LINGO2: variants seen among roughly 807,000 people sequenced by gnomAD.
The protein encoded by LINGO2 is leucine rich repeat and Ig domain containing 2.
LINGO2 carries 14 observed loss-of-function variants against 30.6 expected under a neutral mutation model. The ratio of observed to expected loss-of-function variants is 0.46; its 90% CI spans 0.30 to 0.72. The LOEUF (loss-of-function observed/expected upper bound fraction) is 0.72, where lower values mean the gene tolerates loss of function less well. Among genes scored for constraint, LINGO2 ranks in the 30% least tolerant of loss-of-function variants. The pLI is 0.07. For synonymous variants in LINGO2, 317 were observed against 288.5 expected, an observed-to-expected ratio of 1.10 and a Z score of -1.00; for missense variants, 729 against 751.7, an observed-to-expected ratio of 0.97 and a Z score of 0.35.
chr9:28,322,052 T>G (rs1022125368), intron 3 of LINGO2, among the ~76,000 whole-genome samples: 5 of 152,200 alleles, frequency 3.3e-5, no homozygotes, highest in African/African-American at 1.2e-4. Flanking sequence ...ACTACTTACC[T>G]CAGCTTACTA....
At chr9:29,189,097 CGACCGCCCCGCCTCCCTCCCGGACG>C in the LINGO2 span, among the ~76,000 whole-genome samples, 1 of 74,914 alleles carries the variant, frequency 1.3e-5, no homozygotes, top group Admixed American at 1.6e-4. Flanking sequence ...GGCGGCTGGC[CGACCGCCCCGCCTCCCTCCCGGACG>C]GGGCGGCTGG....
chr9:29,187,262 C>T, the LINGO2 span, among the ~76,000 whole-genome samples: 1 of 152,154 alleles, frequency 6.6e-6, no homozygotes, highest in Non-Finnish European at 1.5e-5. Context: ...ACATGGATCA[C>T]CCTGCTGGAG....
chr9:29,025,986 A>G, the LINGO2 span, among the ~76,000 whole-genome samples: 1 of 151,992 alleles, frequency 6.6e-6, no homozygotes, highest in Non-Finnish European at 1.5e-5. Context: ...CTTTTTTATG[A>G]GTGAATACTG....
chr9:28,671,866 G>A (rs892143684), upstream of LINGO2, among the ~76,000 whole-genome samples: 1 of 152,016 alleles, frequency 6.6e-6, no homozygotes, highest in African/African-American at 2.4e-5. Flanking sequence ...AAAGACATGA[G>A]CATTTCCTTA....
At chr9:28,878,966 T>C in the LINGO2 span, among the ~76,000 whole-genome samples, 2 of 152,068 alleles carry the variant, frequency 1.3e-5, no homozygotes, top group South Asian at 2.1e-4. Flanking sequence ...CTATTCAACA[T>C]AGTGTTGGAA....
the LINGO2 span, among the ~76,000 whole-genome samples, chr9:28,733,307 G>A: frequency 5.9e-5 from 9 of 151,982 alleles, no homozygotes; most frequent in African/African-American, 1.2e-4. Flanking sequence ...AAGGTCATAC[G>A]TAAAGAGATA....
At chr9:29,060,539 C>A in the LINGO2 span, among the ~76,000 whole-genome samples, 2 of 151,884 alleles carry the variant, frequency 1.3e-5, no homozygotes, top group Non-Finnish European at 2.9e-5. Context: ...TTTTCAAAAT[C>A]CAAGAACCAC....
the LINGO2 span, among the ~76,000 whole-genome samples, chr9:29,034,645 G>A: frequency 3.9e-5 from 6 of 151,924 alleles, no homozygotes; most frequent in South Asian, 2.1e-4. Flanking sequence ...GAACACAAGC[G>A]CATTTATCAG....
At chr9:29,061,423 T>TTG in the LINGO2 span, among the ~76,000 whole-genome samples, 1 of 151,942 alleles carries the variant, frequency 6.6e-6, no homozygotes, top group Admixed American at 6.6e-5. Flanking sequence ...CACTTTCTGA[T>TTG]TTCAAAGTTT....
intron 4 of LINGO2, among the ~76,000 whole-genome samples, chr9:28,256,001 C>T (rs921811449): frequency 6.6e-6 from 1 of 152,008 alleles, no homozygotes; most frequent in Non-Finnish European, 1.5e-5. Context: ...TGCAAAACAT[C>T]ATGTACATGT....
intron 4 of LINGO2, among the ~76,000 whole-genome samples, chr9:28,076,000 A>G (rs73643296): frequency 0.015 from 2,294 of 152,124 alleles, 42 homozygotes; most frequent in African/African-American, 0.05. Flanking sequence ...CAATTATTCT[A>G]GCAATATCTA....
chr9:28,421,964 T>G (rs1823215533), intron 2 of LINGO2, among the ~76,000 whole-genome samples: 1 of 151,998 alleles, frequency 6.6e-6, no homozygotes, highest in Non-Finnish European at 1.5e-5. Flanking sequence ...TGCAACAGAA[T>G]GAAGATGGAC....
intron 1 of LINGO2, among the ~76,000 whole-genome samples, chr9:28,492,463 T>C (rs1826436824): frequency 6.6e-6 from 1 of 152,174 alleles, no homozygotes; most frequent in South Asian, 2.1e-4. Context: ...TAATGAAGGA[T>C]ATGCTGTTGG....
intron 4 of LINGO2, among the ~76,000 whole-genome samples, chr9:28,120,451 T>C: frequency 6.6e-6 from 1 of 152,194 alleles, no homozygotes; most frequent in Non-Finnish European, 1.5e-5. Flanking sequence ...TTCTAGTGGC[T>C]GAATGCCAAA....
At chr9:29,067,894 T>C in the LINGO2 span, among the ~76,000 whole-genome samples, 10 of 151,674 alleles carry the variant, frequency 6.6e-5, no homozygotes, top group African/African-American at 2.4e-4. Context: ...CTGAATTTTC[T>C]CAAATTTGCT....
At chr9:28,668,215 G>C (rs1828876501) in intron 1 of LINGO2, among the ~76,000 whole-genome samples, 1 of 152,076 alleles carries the variant, frequency 6.6e-6, no homozygotes, top group South Asian at 2.1e-4. Context: ...TGGAGTGGTA[G>C]TAGGGGAAGG....
Position 28,606,360 on chromosome 9 carries a change from A to G in LINGO2, c.-365+63840T>C, listed in dbSNP as rs572041485. ...TGCTGGTGAGTGAGCTCTTTAAATG[A>G]CTTTACTGGAGAATAAATGACTTTA... On this transcript the variant is annotated intron_variant, in intron 1 of 5. Transcript: ENST00000379992. Among the ~76,000 whole-genome samples, 45 of 152,136 alleles carry G rather than the reference A, an allele frequency of 3.0e-4. No homozygotes were observed. The South Asian group carries it at 9.1e-3, about 31-fold the overall frequency.
Position 28,398,315 on chromosome 9 carries a change from A to G in LINGO2, c.-278-25447T>C, listed in dbSNP as rs143435744. Among the ~76,000 whole-genome samples, 3 of 152,314 alleles carry G rather than the reference A, an allele frequency of 2.0e-5. No homozygotes were observed. In the East Asian group the frequency reaches 5.8e-4, roughly 29 times the overall value. On this transcript the variant is annotated intron_variant, in intron 2 of 5. Transcript: ENST00000379992. ...TATCAGTTGCAAAGAGTTAGTGGTA[A>G]TTTAATATACAAATATATTCATTTT... is the stretch of plus-strand genomic sequence containing the variant.
intron 2 of LINGO2, among the ~76,000 whole-genome samples, chr9:28,467,595 A>G (rs1017594775): frequency 1.3e-5 from 2 of 152,238 alleles, no homozygotes; most frequent in African/African-American, 4.8e-5. Context: ...TGTTTGAACA[A>G]CAAACTGATT....
Sources: gnomAD v4.1 joint callset for allele counts (sites outside exome capture counted in the v4.1 genomes callset) on GRCh38, gnomAD v4.1.1 for gene constraint, MANE v1.5 for transcripts, NCBI Gene and HGNC (gene_info 2026-07-23, HGNC 2026-07-21) for gene names.